ERBB4: variants seen among roughly 807,000 people sequenced by gnomAD.
ERBB4 encodes erb-b2 receptor tyrosine kinase 4.
In ERBB4, 42 loss-of-function variants were observed where a neutral mutation model predicts 158.0. The observed-to-expected ratio is 0.27, with a 90% CI of 0.21 to 0.34. ERBB4 has a LOEUF of 0.34. Among genes scored for constraint, ERBB4 ranks in the 10% least tolerant of loss-of-function variants. ERBB4 has a pLI of 1.00. For missense variants in ERBB4, 1,333 were observed against 1,624.1 expected (o/e 0.82, Z 3.08); for synonymous variants, 583 against 558.7 (o/e 1.04, Z -0.61).
At chr2:211,906,069 C>T (rs537364336) in intron 3 of ERBB4, among the ~76,000 whole-genome samples, 2 of 152,078 alleles carry the variant, frequency 1.3e-5, no homozygotes, top group Non-Finnish European at 2.9e-5. Context: ...GAGAGAGATA[C>T]ATTCGAGAAG....
At chr2:212,092,957 A>G (rs2078824296) in intron 2 of ERBB4, among the ~76,000 whole-genome samples, 1 of 152,180 alleles carries the variant, frequency 6.6e-6, no homozygotes, top group Non-Finnish European at 1.5e-5. Flanking sequence ...TTAAAGTATA[A>G]TAAGAAAAAA....
intron 1 of ERBB4, among the ~76,000 whole-genome samples, chr2:212,488,948 G>A (rs188272994): frequency 6.8e-6 from 1 of 147,976 alleles, no homozygotes; most frequent in Non-Finnish European, 1.5e-5. Flanking sequence ...TTCCCACTTC[G>A]CCATTCATAC....
chr2:212,431,971 C>A (rs992398314), intron 1 of ERBB4, among the ~76,000 whole-genome samples: 6 of 152,136 alleles, frequency 3.9e-5, no homozygotes, highest in Non-Finnish European at 8.8e-5. Flanking sequence ...CTTATTTTGT[C>A]AACTTTTAAG....
At chr2:211,963,405 T>C (rs895102638) in intron 2 of ERBB4, among the ~76,000 whole-genome samples, 3 of 152,158 alleles carry the variant, frequency 2.0e-5, no homozygotes, top group Admixed American at 6.6e-5. Context: ...GTTGCCTTAG[T>C]GGTTTTCTAA....
chr2:212,040,609 A>G (rs370457624), intron 2 of ERBB4, among the ~76,000 whole-genome samples: 1 of 152,146 alleles, frequency 6.6e-6, no homozygotes, highest in Non-Finnish European at 1.5e-5. Flanking sequence ...CGTCTCTGCC[A>G]GTTGCCCTAT....
At chr2:211,820,621 C>T (rs2076973746) in intron 3 of ERBB4, among the ~76,000 whole-genome samples, 1 of 151,714 alleles carries the variant, frequency 6.6e-6, no homozygotes. Flanking sequence ...TAGGCAAAGA[C>T]ACAGTAAAAC....
intron 1 of ERBB4, among the ~76,000 whole-genome samples, chr2:212,146,990 T>TTA (rs1214272285): frequency 1.5e-5 from 2 of 131,520 alleles, no homozygotes; most frequent in Non-Finnish European, 3.3e-5. Context: ...GTTAGACTTT[T>TTA]TTTTTTTTTT....
intron 16 of ERBB4, among the ~76,000 whole-genome samples, chr2:211,652,666 C>A (rs1055574176): frequency 6.6e-6 from 1 of 152,182 alleles, no homozygotes; most frequent in South Asian, 2.1e-4. Flanking sequence ...TAAAATGTGA[C>A]AAGAATATAA....
intron 1 of ERBB4, among the ~76,000 whole-genome samples, chr2:212,166,753 A>C (rs1384595824): frequency 6.6e-6 from 1 of 152,094 alleles, no homozygotes; most frequent in African/African-American, 2.4e-5. Context: ...CATATAGACC[A>C]ATGGAGCAGA....
intron 1 of ERBB4, among the ~76,000 whole-genome samples, chr2:212,514,532 C>A (rs759726267): frequency 4.1e-4 from 63 of 152,148 alleles, no homozygotes; most frequent in Non-Finnish European, 2.1e-4. Flanking sequence ...CTAGGCTGGG[C>A]ACGGTGGCTC....
At chr2:211,499,904 T>C (rs564129128) in intron 20 of ERBB4, among the ~76,000 whole-genome samples, 5 of 152,200 alleles carry the variant, frequency 3.3e-5, no homozygotes, top group Admixed American at 6.5e-5. Flanking sequence ...GAATGTGTGA[T>C]ATTTCTGAAA....
chr2:211,510,424 A>C, intron 20 of ERBB4, among the ~76,000 whole-genome samples: 1 of 152,120 alleles, frequency 6.6e-6, no homozygotes, highest in East Asian at 1.9e-4. Flanking sequence ...ATTACGTGAT[A>C]TATCCATGTC....
intron 27 of ERBB4, among the ~76,000 whole-genome samples, chr2:211,384,981 T>C (rs3791682): frequency 0.28 from 42,015 of 151,826 alleles, 6,294 homozygotes; most frequent in South Asian, 0.49. Context: ...TAAACACGCA[T>C]GTATTGTAAG....
intron 1 of ERBB4, among the ~76,000 whole-genome samples, chr2:212,471,318 AAG>A (rs1380917063): frequency 1.3e-5 from 2 of 152,046 alleles, no homozygotes; most frequent in African/African-American, 4.8e-5. Flanking sequence ...ACTTCTAAGA[AAG>A]AGACTCTTTG....
chr2:211,721,107 A>G (rs1490582651), intron 7 of ERBB4, among the ~76,000 whole-genome samples: 2 of 152,150 alleles, frequency 1.3e-5, no homozygotes, highest in South Asian at 2.1e-4. Flanking sequence ...GAGTGTGTGT[A>G]TGTGTGTGGT....
intron 14 of ERBB4, among the ~76,000 whole-genome samples, chr2:211,668,407 CTCT>C (rs1488919132): frequency 6.6e-6 from 1 of 152,176 alleles, no homozygotes; most frequent in Non-Finnish European, 1.5e-5. Context: ...CTAATGTTTA[CTCT>C]TCTTTCATTA....
intron 3 of ERBB4, among the ~76,000 whole-genome samples, chr2:211,870,882 G>A (rs1437245498): frequency 1.3e-5 from 2 of 151,972 alleles, no homozygotes; most frequent in East Asian, 1.9e-4. Flanking sequence ...TTCAGTATAA[G>A]GGAATTCAAT....
intron 2 of ERBB4, among the ~76,000 whole-genome samples, chr2:211,967,771 T>C (rs73079363): frequency 0.05 from 7,580 of 152,100 alleles, 323 homozygotes; most frequent in African/African-American, 0.11. Context: ...TGTTTTTTCA[T>C]TGAATTATAA....
At chr2:212,252,512 G>A (rs2084576667) in intron 1 of ERBB4, among the ~76,000 whole-genome samples, 1 of 152,066 alleles carries the variant, frequency 6.6e-6, no homozygotes, top group Admixed American at 6.6e-5. Context: ...AAAATGGTAA[G>A]GTCCACTGGC....
Sources: gnomAD v4.1 joint callset for allele counts (sites outside exome capture counted in the v4.1 genomes callset) on GRCh38, gnomAD v4.1.1 for gene constraint, MANE v1.5 for transcripts, NCBI Gene and HGNC (gene_info 2026-07-23, HGNC 2026-07-21) for gene names.